Variants in SCN9A observed in about 807,000 individuals in gnomAD.
SCN9A encodes the protein sodium voltage-gated channel alpha subunit 9.
A neutral mutation model predicts 187.0 loss-of-function variants in SCN9A; 131 were observed. The ratio of observed to expected loss-of-function variants is 0.70; its 90% confidence interval spans 0.61 to 0.81. The LOEUF (loss-of-function observed/expected upper bound fraction) is 0.81, where lower values mean the gene tolerates loss of function less well. Among genes scored for constraint, SCN9A ranks in the 30% least tolerant of loss-of-function variants. SCN9A has a pLI of 0.00. For missense variants in SCN9A, 2,252 were observed against 2,396.6 expected, an observed-to-expected ratio of 0.94 and a Z score of 1.26; for synonymous variants, 809 against 808.6, an observed-to-expected ratio of 1.00 and a Z score of -0.01.
chr2:166,365,860 G>A (rs1337624458), intron 1 of SCN9A, among the ~76,000 whole-genome samples: 3 of 152,054 alleles, frequency 2.0e-5, no homozygotes, highest in Non-Finnish European at 1.5e-5. Flanking sequence ...TAAAATCGGC[G>A]TCACATCTCC....
chr2:166,256,879 A>G (rs1228295284), intron 17 of SCN9A, among the ~76,000 whole-genome samples: 1 of 151,608 alleles, frequency 6.6e-6, no homozygotes, highest in African/African-American at 2.4e-5. Flanking sequence ...TCTTCTACCT[A>G]GGGCACTTTC....
intron 1 of SCN9A, among the ~76,000 whole-genome samples, chr2:166,356,542 C>G (rs72884785): frequency 0.064 from 9,789 of 152,120 alleles, 455 homozygotes; most frequent in African/African-American, 0.12. Context: ...ATAAATTTAG[C>G]CACAAAACTC....
intron 19 of SCN9A, among the ~76,000 whole-genome samples, chr2:166,241,212 A>G (rs1695552440): frequency 6.6e-6 from 1 of 152,148 alleles, no homozygotes; most frequent in Non-Finnish European, 1.5e-5. Flanking sequence ...TATTTTTAGT[A>G]TAATGAAACT....
At chr2:166,319,822 G>A (rs1452548852) in intron 1 of SCN9A, among the ~76,000 whole-genome samples, 2 of 152,114 alleles carry the variant, frequency 1.3e-5, no homozygotes, top group Non-Finnish European at 2.9e-5. Context: ...GGTAGAGGGG[G>A]ATTAGTGGTG....
intron 24 of SCN9A, among the ~76,000 whole-genome samples, chr2:166,206,331 G>T (rs1693804611): frequency 1.3e-5 from 2 of 152,142 alleles, no homozygotes; most frequent in Non-Finnish European, 1.5e-5. Context: ...ATACTATGCA[G>T]CCATAAAAAA....
At chr2:166,293,476 A>G (rs947836345) in intron 8 of SCN9A, 104 bp from the exon 9 acceptor site, 129 of 954,188 alleles carry the variant, frequency 1.4e-4, no homozygotes, top group Non-Finnish European at 1.9e-4. Flanking sequence ...TAGGGGGACA[A>G]TATTGAATAA....
rs559469180 is a variant in SCN9A, at chr2:166,293,139, A to G, written c.1107+92T>C. 10 of 1,175,096 alleles carry G rather than the reference A, an allele frequency of 8.5e-6. No individual in the cohort carries two copies. In the African/African-American group the frequency reaches 1.6e-4, roughly 18 times the overall value. 72.8% of individuals were successfully genotyped at this position (1,175,096 alleles called of 1,614,324 possible). A position where few individuals can be genotyped will look rare whatever the true frequency, so the allele number is the denominator to read the frequency against. ...GATAATAGAGTTTCCTCCATTCTCA[A>G]ATAAATAAAAAACCTCCTAATACAG... On this transcript the variant is annotated intron_variant, in intron 9 of 26. Transcript: ENST00000642356.
At chr2:166,276,922 C>A in intron 16 of SCN9A, 61 bp downstream of exon 16, 2 of 1,304,286 alleles carry the variant, frequency 1.5e-6, no homozygotes, top group Non-Finnish European at 2.1e-6. Flanking sequence ...AATAATAGAT[C>A]ACATCATCAC....
At chr2:166,258,982 G>A (rs1225245284) in intron 17 of SCN9A, among the ~76,000 whole-genome samples, 1 of 151,616 alleles carries the variant, frequency 6.6e-6, no homozygotes, top group East Asian at 1.9e-4. Flanking sequence ...TACAGATCAT[G>A]CACTTGAAAT....
intron 24 of SCN9A, among the ~76,000 whole-genome samples, chr2:166,215,644 A>C (rs1442788200): frequency 6.6e-6 from 1 of 151,988 alleles, no homozygotes; most frequent in African/African-American, 2.4e-5. Flanking sequence ...TACACCATCA[A>C]ATTGAATAAC....
chr2:166,337,245 C>T (rs995826566), intron 1 of SCN9A, among the ~76,000 whole-genome samples: 5 of 152,006 alleles, frequency 3.3e-5, no homozygotes, highest in African/African-American at 9.7e-5. Context: ...CTTGGCCTGC[C>T]AAGTTAATAC....
chr2:166,255,802 G>A (rs1252160825), intron 17 of SCN9A, among the ~76,000 whole-genome samples: 1 of 151,334 alleles, frequency 6.6e-6, no homozygotes, highest in Non-Finnish European at 1.5e-5. Flanking sequence ...TCAAAAGGAG[G>A]AGATGGGTAT....
At chr2:166,312,472 G>A (rs979641391) in intron 1 of SCN9A, among the ~76,000 whole-genome samples, 2 of 151,990 alleles carry the variant, frequency 1.3e-5, no homozygotes, top group African/African-American at 4.8e-5. Context: ...CATGAGAGTT[G>A]GAATCAACTC....
intron 24 of SCN9A, among the ~76,000 whole-genome samples, chr2:166,213,797 A>G (rs922149726): frequency 1.3e-5 from 2 of 152,178 alleles, no homozygotes; most frequent in Non-Finnish European, 2.9e-5. Context: ...GTAAACATCT[A>G]CATACACATG....
Position 166,338,810 on chromosome 2 carries a change from T to C in SCN9A, c.-50-27004A>G, listed in dbSNP as rs1485549040. On this transcript the variant is annotated intron_variant, in intron 1 of 26. Coordinates refer to ENST00000642356, the MANE Select transcript of SCN9A (RefSeq NM_001365536.1). ...AGAATGCGTCTCAACTTGGGTTCACTGAATTTTTCAATTCACAACTAAGGA... is the reference window on the plus strand; with the variant it reads ...AGAATGCGTCTCAACTTGGGTTCACCGAATTTTTCAATTCACAACTAAGGA... Among the ~76,000 whole-genome samples the C allele has an allele frequency of 2.0e-5, 3 of 152,162 alleles. No individual in the cohort carries two copies. The East Asian group carries it at 5.8e-4, about 29-fold the overall frequency.
chr2:166,313,722 A>T (rs536968067), intron 1 of SCN9A, among the ~76,000 whole-genome samples: 1 of 152,190 alleles, frequency 6.6e-6, no homozygotes, highest in East Asian at 1.9e-4. Context: ...AGCACATTTG[A>T]TTTCCTTCAA....
chr2:166,322,990 A>G (rs1699280862), intron 1 of SCN9A, among the ~76,000 whole-genome samples: 1 of 152,190 alleles, frequency 6.6e-6, no homozygotes, highest in Admixed American at 6.5e-5. Flanking sequence ...TGCTCAAAGG[A>G]TTGGGTCACT....
chr2:166,338,714 A>C (rs1699692213), intron 1 of SCN9A, among the ~76,000 whole-genome samples: 1 of 152,146 alleles, frequency 6.6e-6, no homozygotes, highest in African/African-American at 2.4e-5. Flanking sequence ...TTTTATCTGC[A>C]ACAGAACTTC....
intron 24 of SCN9A, among the ~76,000 whole-genome samples, chr2:166,205,923 TC>T (rs1693780233): frequency 2.0e-5 from 3 of 152,182 alleles, no homozygotes; most frequent in Non-Finnish European, 1.5e-5. Flanking sequence ...ATGCTCATCA[TC>T]ACTGGTCATC....
Sources: gnomAD v4.1 joint callset for allele counts (sites outside exome capture counted in the v4.1 genomes callset) on GRCh38, gnomAD v4.1.1 for gene constraint, MANE v1.5 for transcripts, NCBI Gene and HGNC (gene_info 2026-07-23, HGNC 2026-07-21) for gene names.